NUDC: variants seen among roughly 807,000 people sequenced by gnomAD.
NUDC encodes nuclear distribution C, dynein complex regulator.
A neutral mutation model predicts 45.0 loss-of-function variants in NUDC; 14 were observed. That is an observed-to-expected ratio of 0.31 (90% CI 0.21 to 0.49). The LOEUF (loss-of-function observed/expected upper bound fraction) is 0.49, where lower values mean the gene tolerates loss of function less well. NUDC is among the 20% of genes least tolerant of loss of function. The pLI is 0.99. For synonymous variants in NUDC, 153 were observed against 156.7 expected (o/e 0.98, Z 0.17); for missense variants, 323 against 426.2 (o/e 0.76, Z 2.13).
chr1:26,946,351 C>T lies in NUDC; in HGVS notation c.*170C>T. 1.4e-6 allele frequency: 1 copy of T among 690,520 alleles called. No individual in the cohort carries two copies. Among genetic ancestry groups the T allele is most frequent in the Admixed American group, 2.2e-5 (1 of 46,134 alleles). 42.8% of individuals were successfully genotyped at this position (690,520 alleles called of 1,614,324 possible). The stretch of plus-strand genomic sequence containing the variant: ...AAAGGCTGGGTCTTGGGACCTTGTC[C>T]TCCCCAGTTGGCCTACTGTTACACA... On this transcript the variant is annotated 3_prime_UTR_variant, in exon 9 of 9. Transcript: ENST00000321265.
chr1:26,918,692 G>A (rs1197806157), upstream of NUDC, among the ~76,000 whole-genome samples: 1 of 150,660 alleles, frequency 6.6e-6, no homozygotes, highest in Non-Finnish European at 1.5e-5. Flanking sequence ...CTCCTGCCTC[G>A]GCCTCCCAAG....
At chr1:26,914,993 GTATA>G (rs2082054075) in intron 3 of NUDC, among the ~76,000 whole-genome samples, 1 of 144,748 alleles carries the variant, frequency 6.9e-6, no homozygotes, top group African/African-American at 2.5e-5. Flanking sequence ...ATATGTATAT[GTATA>G]TGTATATGTA....
At chr1:26,936,753 GA>G (rs2082237747) in intron 2 of NUDC, among the ~76,000 whole-genome samples, 1 of 152,120 alleles carries the variant, frequency 6.6e-6, no homozygotes, top group African/African-American at 2.4e-5. Flanking sequence ...CCACAATCTG[GA>G]TTTTGCGTAT....
At chr1:26,929,740 AGGGCC>A (rs772484948) in intron 2 of NUDC, 1 of 438,698 alleles carries the variant, frequency 2.3e-6, no homozygotes, top group African/African-American at 2.0e-5. Flanking sequence ...ACATAACTGT[AGGGCC>A]GGGCACAGTG....
chr1:26,931,638 G>A lies in NUDC; in HGVS notation c.159+7472G>A, dbSNP rs192721668. 5.8e-3 allele frequency among the ~76,000 whole-genome samples: 872 copies of A among 150,346 alleles called. 7 individuals carry two copies. The highest frequency in any genetic ancestry group is 0.02 in the African/African-American group (829 of 41,138). On this transcript the variant is annotated intron_variant, in intron 2 of 8. Transcript: ENST00000321265. ...TACTAAAAATACAAAAATTAGCCGG[G>A]CATGGTGGCACTCTCCTATAATCCC...
At chr1:26,944,586 G>A (rs1021762665) in intron 6 of NUDC, among the ~76,000 whole-genome samples, 1 of 152,076 alleles carries the variant, frequency 6.6e-6, no homozygotes, top group African/African-American at 2.4e-5. Flanking sequence ...GGCAGATCAC[G>A]AGGTCAGGAG....
At chr1:26,915,978 A>G (rs570832792) in intron 3 of NUDC, among the ~76,000 whole-genome samples, 1 of 151,692 alleles carries the variant, frequency 6.6e-6, no homozygotes, top group Non-Finnish European at 1.5e-5. Flanking sequence ...TGGGCAAATC[A>G]CTTTCTCTTT....
chr1:26,913,828 C>T lies in NUDC; in HGVS notation c.93+2593C>T, dbSNP rs75738889. On this transcript the variant is annotated intron_variant, in intron 3 of 6. Coordinates refer to the NUDC transcript ENST00000435827. ...GGGCCGGTGCTGCCTACATAGGCAG[C>T]GGCTACGGGGTCGGGGGACAGCCTT... 75 of 1,508,510 alleles carry T rather than the reference C, an allele frequency of 5.0e-5. No homozygotes were observed. The highest frequency in any genetic ancestry group is 2.1e-4 in the African/African-American group (15 of 71,726). The allele number at this position is 1,508,510 out of a possible 1,614,324, so 93.4% of individuals were successfully genotyped here. A position where few individuals can be genotyped will look rare whatever the true frequency, so the allele number is the denominator to read the frequency against.
At chr1:26,913,371 C>T in intron 3 of NUDC, 1 of 1,606,456 alleles carries the variant, frequency 6.2e-7, no homozygotes, top group Non-Finnish European at 8.5e-7. Context: ...GCCCCTGCTT[C>T]AGCCTTGCCC....
chr1:26,910,318 G>T (rs1312512873), intron 2 of NUDC, among the ~76,000 whole-genome samples: 1 of 152,132 alleles, frequency 6.6e-6, no homozygotes, highest in Non-Finnish European at 1.5e-5. Context: ...GTGTTGGGGG[G>T]TGTCCAAGTT....
At chr1:26,911,607 A>G in intron 3 of NUDC, 1 of 554,988 alleles carries the variant, frequency 1.8e-6, no homozygotes, top group Non-Finnish European at 3.3e-6. Context: ...AAGGGACAGG[A>G]GTCTTGGCCC....
At chr1:26,933,255 T>G (rs1338040512) in intron 2 of NUDC, among the ~76,000 whole-genome samples, 1 of 151,642 alleles carries the variant, frequency 6.6e-6, no homozygotes, top group African/African-American at 2.4e-5. Flanking sequence ...TTTAAATCTA[T>G]TCTTCTGCTG....
At chr1:26,932,857 C>T (rs2082194686) in intron 2 of NUDC, among the ~76,000 whole-genome samples, 1 of 152,074 alleles carries the variant, frequency 6.6e-6, no homozygotes, top group African/African-American at 2.4e-5. Flanking sequence ...TTGTGACTGG[C>T]TTATTTCGTT....
intron 2 of NUDC, among the ~76,000 whole-genome samples, chr1:26,908,088 G>A (rs373166934): frequency 3.9e-5 from 6 of 152,114 alleles, no homozygotes; most frequent in South Asian, 2.1e-4. Context: ...CTGAAGCAAC[G>A]GAATTGCTTG....
chr1:26,936,514 C>T (rs1002681913), intron 2 of NUDC, among the ~76,000 whole-genome samples: 1 of 151,250 alleles, frequency 6.6e-6, no homozygotes, highest in Admixed American at 6.6e-5. Context: ...TTAGTAGAGG[C>T]AGGGTTTCAC....
At chr1:26,904,464 C>T (rs1313375746) in intron 2 of NUDC, among the ~76,000 whole-genome samples, 2 of 152,156 alleles carry the variant, frequency 1.3e-5, no homozygotes. Flanking sequence ...CTCAGTCTGT[C>T]GCCTAGGCTA....
intron 2 of NUDC, among the ~76,000 whole-genome samples, chr1:26,909,500 T>C (rs1351243148): frequency 6.6e-6 from 1 of 152,028 alleles, no homozygotes; most frequent in African/African-American, 2.4e-5. Context: ...GGGTGGGGCA[T>C]AGAGAGGAAT....
chr1:26,915,700 TG>T (rs771071967), intron 3 of NUDC, among the ~76,000 whole-genome samples: 5 of 152,202 alleles, frequency 3.3e-5, no homozygotes, highest in Non-Finnish European at 2.9e-5. Context: ...AGGGCTGCCA[TG>T]GGGACAAAAT....
intron 3 of NUDC, chr1:26,913,845 G>C (rs778747105): frequency 1.3e-6 from 2 of 1,509,232 alleles, no homozygotes; most frequent in Non-Finnish European, 1.8e-6. Flanking sequence ...GGGGTCGGGG[G>C]ACAGCCTTGA....
Sources: gnomAD v4.1 joint callset for allele counts (sites outside exome capture counted in the v4.1 genomes callset) on GRCh38, gnomAD v4.1.1 for gene constraint, MANE v1.5 for transcripts, NCBI Gene and HGNC (gene_info 2026-07-23, HGNC 2026-07-21) for gene names.